The following PTPRD variants were observed in gnomAD, a reference collection of about 807,000 sequenced individuals.
PTPRD encodes the protein protein tyrosine phosphatase receptor type D, also known as receptor-type tyrosine-protein phosphatase delta.
A neutral mutation model predicts 214.5 loss-of-function variants in PTPRD; 34 were observed. The observed-to-expected ratio is 0.16, with a 90% CI of 0.12 to 0.21. The LOEUF (loss-of-function observed/expected upper bound fraction) is 0.21. Ranked by LOEUF, PTPRD falls within the 10% of genes least tolerant of loss-of-function variation. The pLI, the probability that PTPRD is intolerant of heterozygous loss-of-function variation, is 1.00. For missense variants in PTPRD, 2,545 were observed against 2,398.7 expected (o/e 1.06, Z -1.27); for synonymous variants, 1,128 against 845.7 (o/e 1.33, Z -5.79).
At chr9:10,119,398 T>C (rs2098757182) in intron 3 of PTPRD, among the ~76,000 whole-genome samples, 1 of 152,040 alleles carries the variant, frequency 6.6e-6, no homozygotes, top group African/African-American at 2.4e-5. Context: ...GAGAATCTTT[T>C]AAAAGGATAT....
intron 4 of PTPRD, among the ~76,000 whole-genome samples, chr9:9,998,135 T>TATAC (rs1472816091): frequency 2.3e-5 from 3 of 128,162 alleles, no homozygotes; most frequent in African/African-American, 5.9e-5. Context: ...AAAAAATATA[T>TATAC]ATATATATAT....
rs904212223 is a variant in PTPRD at position 8,316,561 on chromosome 9, C to G, written c.*1313G>C. On this transcript the variant is annotated 3_prime_UTR_variant, in exon 46 of 46. Transcript: ENST00000381196. ...TCGATAGCTGATATATTACAACATT[C>G]TCCCCTCCTAAAGGGATATGCACTG... 4.3e-5 allele frequency: 10 copies of G among 230,898 alleles called. No homozygotes were observed. The highest frequency in any genetic ancestry group is 2.0e-4 in the African/African-American group (9 of 45,184). The allele number at this position is 230,898 out of a possible 1,614,324, so 14.3% of individuals were successfully genotyped here.
chr9:10,196,462 C>T (rs1211007696), intron 3 of PTPRD, among the ~76,000 whole-genome samples: 1 of 152,088 alleles, frequency 6.6e-6, no homozygotes, highest in Non-Finnish European at 1.5e-5. Context: ...GAACATCCGT[C>T]GAAAGACAAA....
At chr9:10,271,549 C>T (rs2475358) in intron 3 of PTPRD, among the ~76,000 whole-genome samples, 5,150 of 50,738 alleles carry the variant, frequency 0.1, 478 homozygotes, top group Non-Finnish European at 0.21. Flanking sequence ...CTTTTCTTTT[C>T]TTTTTTTTTT....
At position 8,485,780 on chromosome 9, in the gene PTPRD, T is replaced by G. The variant is rs1256082890; in HGVS notation, c.3037A>C (p.Thr1013Pro). The G allele has an allele frequency of 6.2e-7, 1 of 1,613,054 alleles. No homozygotes were observed. The highest frequency in any genetic ancestry group is 1.7e-5 in the Admixed American group (1 of 60,000). The change falls in exon 28 of 46, where the codon ACA becomes CCA. Residue 1013 changes from threonine to proline, a missense_variant. Thr to Pro is a conservative substitution (Grantham distance 38). Transcript: ENST00000381196. ...GPYSPSVQFR[T>P]LPVDQVFAKN... ...ATCCTACCTTGATCCACAGGCAGTG[T>G]CCTGAACTGGACACTGGGACTATAT...
At chr9:9,874,795 C>T (rs770962326) in intron 5 of PTPRD, among the ~76,000 whole-genome samples, 14 of 152,114 alleles carry the variant, frequency 9.2e-5, no homozygotes, top group African/African-American at 1.4e-4. Flanking sequence ...CATTTGGAAA[C>T]GTATGTAGGA....
intron 4 of PTPRD, among the ~76,000 whole-genome samples, chr9:9,992,736 T>C (rs1169949202): frequency 6.6e-6 from 1 of 150,868 alleles, no homozygotes; most frequent in Non-Finnish European, 1.5e-5. Context: ...CACTCATTGG[T>C]GGGAGTTGAA....
intron 2 of PTPRD, among the ~76,000 whole-genome samples, chr9:10,562,127 C>T (rs1265631139): frequency 6.6e-6 from 1 of 152,012 alleles, no homozygotes; most frequent in Non-Finnish European, 1.5e-5. Flanking sequence ...ATTATGAATC[C>T]TTTCATCCTA....
At chr9:10,189,155 A>G (rs2099351368) in intron 3 of PTPRD, among the ~76,000 whole-genome samples, 1 of 151,994 alleles carries the variant, frequency 6.6e-6, no homozygotes, top group Admixed American at 6.6e-5. Context: ...AATGCTTTGG[A>G]CTGGTCGCCC....
chr9:10,298,971 G>A (rs1203292847), intron 3 of PTPRD, among the ~76,000 whole-genome samples: 3 of 151,938 alleles, frequency 2.0e-5, no homozygotes, highest in South Asian at 2.1e-4. Context: ...TTCTTCATCC[G>A]TAAACTAAGC....
At chr9:9,323,091 C>A (rs1967421649) in intron 9 of PTPRD, among the ~76,000 whole-genome samples, 1 of 151,956 alleles carries the variant, frequency 6.6e-6, no homozygotes, top group Non-Finnish European at 1.5e-5. Flanking sequence ...TACCCTAGGG[C>A]ACTTTACTAT....
chr9:9,298,996 C>T (rs1954204388), intron 9 of PTPRD, among the ~76,000 whole-genome samples: 3 of 151,728 alleles, frequency 2.0e-5, no homozygotes, highest in Non-Finnish European at 4.4e-5. Context: ...CTTTAAGCTG[C>T]ATGGCTTCTT....
intron 2 of PTPRD, among the ~76,000 whole-genome samples, chr9:10,398,064 GT>G (rs2098204532): frequency 1.3e-5 from 2 of 151,438 alleles, no homozygotes; most frequent in South Asian, 4.2e-4. Context: ...CTCTGCTTGT[GT>G]GTTTAGCAAT....
intron 39 of PTPRD, among the ~76,000 whole-genome samples, chr9:8,346,553 A>C (rs1331825742): frequency 1.3e-5 from 2 of 152,104 alleles, no homozygotes; most frequent in East Asian, 1.9e-4. Flanking sequence ...CATCCAGCCC[A>C]GGGTGTGAAT....
chr9:9,903,223 T>G (rs2076806554), intron 5 of PTPRD, among the ~76,000 whole-genome samples: 3 of 152,160 alleles, frequency 2.0e-5, no homozygotes, highest in South Asian at 2.1e-4. Context: ...ATGCATTTGC[T>G]TCACTTTATA....
At chr9:8,836,210 A>G (rs1409471304) in intron 11 of PTPRD, among the ~76,000 whole-genome samples, 2 of 152,158 alleles carry the variant, frequency 1.3e-5, no homozygotes, top group Non-Finnish European at 2.9e-5. Context: ...TGACCTTGAA[A>G]CTTGTGAATT....
intron 3 of PTPRD, among the ~76,000 whole-genome samples, chr9:10,098,732 C>T (rs1478636666): frequency 1.3e-5 from 2 of 151,662 alleles, no homozygotes; most frequent in African/African-American, 4.8e-5. Flanking sequence ...TTAGAATGTC[C>T]AAGAGCTGAC....
chr9:8,674,315 G>A (rs1467416023), intron 12 of PTPRD, among the ~76,000 whole-genome samples: 1 of 151,888 alleles, frequency 6.6e-6, no homozygotes, highest in Non-Finnish European at 1.5e-5. Context: ...AAAATTAGCT[G>A]GGCGTGGTGG....
At chr9:9,637,728 C>T (rs1238396995) in intron 7 of PTPRD, among the ~76,000 whole-genome samples, 2 of 152,170 alleles carry the variant, frequency 1.3e-5, no homozygotes, top group African/African-American at 4.8e-5. Context: ...GCTCCCATGG[C>T]TCCTTAGGCA....
Sources: gnomAD v4.1 joint callset for allele counts (sites outside exome capture counted in the v4.1 genomes callset) on GRCh38, gnomAD v4.1.1 for gene constraint, MANE v1.5 for transcripts, NCBI Gene and HGNC (gene_info 2026-07-23, HGNC 2026-07-21) for gene names.